MCTP1: variants seen among roughly 807,000 people sequenced by gnomAD.
MCTP1 encodes the protein multiple C2 and transmembrane domain containing 1.
Under a neutral mutation model 120.6 loss-of-function variants are expected in MCTP1, and 69 were observed. The ratio of observed to expected loss-of-function variants is 0.57; its 90% CI spans 0.47 to 0.70. MCTP1 has a LOEUF of 0.70. Among genes scored for constraint, MCTP1 ranks in the 30% least tolerant of loss-of-function variants. The pLI, the probability that MCTP1 is intolerant of heterozygous loss-of-function variation, is 0.00. For missense variants in MCTP1, 1,203 were observed against 1,248.8 expected, an observed-to-expected ratio of 0.96 and a Z score of 0.55; for synonymous variants, 529 against 493.1, an observed-to-expected ratio of 1.07 and a Z score of -0.96.
chr5:94,955,200 G>A (rs1822255719), intron 2 of MCTP1, among the ~76,000 whole-genome samples: 1 of 152,176 alleles, frequency 6.6e-6, no homozygotes, highest in African/African-American at 2.4e-5. Flanking sequence ...GGAAAGCTGT[G>A]AGGGACCATG....
intron 1 of MCTP1, among the ~76,000 whole-genome samples, chr5:95,101,237 T>C (rs907992895): frequency 6.6e-6 from 1 of 152,140 alleles, no homozygotes; most frequent in African/African-American, 2.4e-5. Context: ...AAAATTAAAA[T>C]ATAAACAAAA....
At chr5:94,976,683 C>G (rs1480195515) in intron 2 of MCTP1, 2 of 151,930 alleles carry the variant, frequency 1.3e-5, no homozygotes, top group Admixed American at 6.6e-5. Flanking sequence ...ATTTTTTCCA[C>G]AAGATATTTA....
chr5:95,284,533 C>A lies in MCTP1; in HGVS notation c.43G>T (p.Ala15Ser). 1 of 1,491,236 alleles carries A rather than the reference C, an allele frequency of 6.7e-7. No individual in the cohort carries two copies. Among genetic ancestry groups the A allele is most frequent in the Non-Finnish European group, 8.9e-7 (1 of 1,129,694 alleles). The allele number at this position is 1,491,236 out of a possible 1,614,324, so 92.4% of individuals were successfully genotyped here. Reference sequence around the variant, plus strand: ...CGGGCCTGGAAGGAGGAGGACGCCGCCGGCGGCTCTGGCTCGCCCGCCGCG... The same window carrying A: ...CGGGCCTGGAAGGAGGAGGACGCCGACGGCGGCTCTGGCTCGCCCGCCGCG... ...AAAAGEPEPP[A>S]ASSSFQARLW... The change falls in exon 1 of 23, where the codon GCG (alanine) becomes TCG (serine). Residue 15 changes from alanine to serine, a missense_variant. This residue lies in a region of MCTP1 where 463 missense variants were observed against 377.8 expected (regional missense o/e 1.23). Coordinates refer to ENST00000515393, the MANE Select transcript of MCTP1 (RefSeq NM_024717.7). The surrounding 1 kb of genome is among the most constrained non-coding windows in gnomAD (Gnocchi z 5.2).
At chr5:94,936,939 C>T (rs1048054867) in intron 5 of MCTP1, among the ~76,000 whole-genome samples, 8 of 152,026 alleles carry the variant, frequency 5.3e-5, no homozygotes, top group Non-Finnish European at 4.4e-5. Flanking sequence ...TCTCTACAAC[C>T]AAGCCCATGC....
chr5:94,940,007 T>C, intron 5 of MCTP1, 77 bp downstream of exon 5: 1 of 763,272 alleles, frequency 1.3e-6, no homozygotes, highest in East Asian at 2.6e-5. Flanking sequence ...TTCTCTTTAT[T>C]ATCATCTCTG....
intron 2 of MCTP1, chr5:94,979,219 T>C (rs1828851485): frequency 6.6e-6 from 1 of 152,096 alleles, no homozygotes; most frequent in South Asian, 2.1e-4. Flanking sequence ...TTTATGGACA[T>C]GGGGATTTCA....
At chr5:95,260,494 T>C (rs1409439194) in intron 1 of MCTP1, among the ~76,000 whole-genome samples, 2 of 152,114 alleles carry the variant, frequency 1.3e-5, no homozygotes, top group African/African-American at 2.4e-5. Context: ...TCTCCTCGTC[T>C]GTGCATGGAT....
intron 1 of MCTP1, among the ~76,000 whole-genome samples, chr5:95,209,634 C>A (rs1387284511): frequency 1.3e-5 from 2 of 152,168 alleles, no homozygotes; most frequent in Admixed American, 6.6e-5. Flanking sequence ...TTCTATGCTT[C>A]TGAATATATC....
At chr5:94,917,348 A>C (rs1041215153) in intron 8 of MCTP1, among the ~76,000 whole-genome samples, 2 of 152,234 alleles carry the variant, frequency 1.3e-5, no homozygotes, top group African/African-American at 4.8e-5. Flanking sequence ...GGCAGGAAGA[A>C]TAAAAAGGAA....
chr5:94,875,913 A>AT (rs886683830), intron 12 of MCTP1, among the ~76,000 whole-genome samples: 4 of 152,142 alleles, frequency 2.6e-5, no homozygotes, highest in Admixed American at 2.6e-4. Flanking sequence ...TTTTACAGTT[A>AT]TCATTAATGG....
intron 8 of MCTP1, among the ~76,000 whole-genome samples, chr5:94,914,316 C>T (rs780419732): frequency 1.3e-5 from 2 of 152,200 alleles, no homozygotes; most frequent in Non-Finnish European, 2.9e-5. Flanking sequence ...ATCCGTTCTA[C>T]GTTAATGTTA....
chr5:94,759,320 C>A (rs1770730289), intron 19 of MCTP1, among the ~76,000 whole-genome samples: 1 of 152,076 alleles, frequency 6.6e-6, no homozygotes, highest in Non-Finnish European at 1.5e-5. Context: ...CATGTAGAAA[C>A]CTGAACACAA....
At chr5:95,129,881 G>A (rs977661739) in intron 1 of MCTP1, among the ~76,000 whole-genome samples, 1 of 152,002 alleles carries the variant, frequency 6.6e-6, no homozygotes. Flanking sequence ...GACTGGTCTC[G>A]AACTCCTGAC....
rs561473215 is a variant in MCTP1, at chr5:95,200,559, A to G, written c.720+83297T>C. ...TGTGTTATTTGCAACAACATAGATG[A>G]AGCTGGGGAATATTGTATTAAGTGA... On this transcript the variant is annotated intron_variant, in intron 1 of 22. Coordinates refer to ENST00000515393, the MANE Select transcript of MCTP1 (RefSeq NM_024717.7). Among the ~76,000 whole-genome samples, 47 of 152,286 alleles carry G rather than the reference A, an allele frequency of 3.1e-4. No homozygotes were observed. The South Asian group carries it at 8.9e-3, about 29-fold the overall frequency.
At chr5:94,759,422 C>T (rs1050683542) in intron 19 of MCTP1, among the ~76,000 whole-genome samples, 3 of 152,008 alleles carry the variant, frequency 2.0e-5, no homozygotes, top group Non-Finnish European at 2.9e-5. Context: ...GTAGGAGAAA[C>T]TAAAGGCCAA....
At chr5:94,799,170 C>G (rs984764951) in intron 17 of MCTP1, 38 bp from the exon 18 acceptor site, 1 of 1,586,622 alleles carries the variant, frequency 6.3e-7, no homozygotes, top group Non-Finnish European at 8.6e-7. Flanking sequence ...GATGAGTCAA[C>G]ACTGAATTTC....
At chr5:94,941,176 T>G (rs1292543145) in intron 4 of MCTP1, among the ~76,000 whole-genome samples, 1 of 152,050 alleles carries the variant, frequency 6.6e-6, no homozygotes, top group Non-Finnish European at 1.5e-5. Flanking sequence ...TCACTTGATA[T>G]CCTTATGCAG....
chr5:94,861,325 G>C (rs898414163), intron 17 of MCTP1, among the ~76,000 whole-genome samples: 1 of 151,806 alleles, frequency 6.6e-6, no homozygotes, highest in Non-Finnish European at 1.5e-5. Flanking sequence ...TTCTTGCTTG[G>C]TAAATTAACG....
At chr5:95,055,196 T>G (rs1747057921) in intron 1 of MCTP1, among the ~76,000 whole-genome samples, 1 of 152,186 alleles carries the variant, frequency 6.6e-6, no homozygotes, top group African/African-American at 2.4e-5. Context: ...AATTAAGTTT[T>G]CCAATGGAGT....
Sources: allele counts gnomAD v4.1 joint callset (sites outside exome capture counted in the v4.1 genomes callset), GRCh38; gene constraint gnomAD v4.1.1; regional missense constraint gnomAD v4.1.1; non-coding constraint Gnocchi (gnomAD v3.1); transcripts MANE v1.5; gene names NCBI Gene and HGNC (gene_info 2026-07-23, HGNC 2026-07-21).